The following SLCO3A1 variants were observed in gnomAD, a reference collection of about 807,000 sequenced individuals.
SLCO3A1 encodes PGE1 transporter.
A neutral mutation model predicts 63.1 loss-of-function variants in SLCO3A1; 27 were observed. That is an observed-to-expected ratio of 0.43 (90% CI 0.32 to 0.59). The LOEUF (loss-of-function observed/expected upper bound fraction) is 0.59. SLCO3A1 is among the 20% of genes least tolerant of loss of function. SLCO3A1 has a pLI of 0.09. For synonymous variants in SLCO3A1, 473 were observed against 409.9 expected (o/e 1.15, Z -1.86); for missense variants, 773 against 945.8 (o/e 0.82, Z 2.40).
intron 4 of SLCO3A1, among the ~76,000 whole-genome samples, chr15:92,110,556 C>T (rs1412226943): frequency 6.6e-6 from 1 of 152,170 alleles, no homozygotes; most frequent in Non-Finnish European, 1.5e-5. Context: ...CATTCGTTCC[C>T]TCTACTGGAA....
chr15:91,946,092 A>G (rs889569999), intron 2 of SLCO3A1, among the ~76,000 whole-genome samples: 2 of 152,234 alleles, frequency 1.3e-5, no homozygotes, highest in Admixed American at 6.5e-5. Context: ...GTTTGTGGGC[A>G]TGGATTCAGT....
intron 1 of SLCO3A1, among the ~76,000 whole-genome samples, chr15:91,884,583 TA>T (rs1385725048): frequency 3.3e-5 from 5 of 152,076 alleles, no homozygotes; most frequent in African/African-American, 9.7e-5. Context: ...TAAATTGTTT[TA>T]AAATAAAACT....
chr15:91,871,754 G>GT (rs5814501), intron 1 of SLCO3A1, among the ~76,000 whole-genome samples: 3,130 of 63,536 alleles, frequency 0.049, 115 homozygotes, highest in African/African-American at 0.12. Flanking sequence ...TGCTCATTTT[G>GT]TTTTTTTTTG....
At chr15:92,085,612 G>A (rs1243989383) in intron 2 of SLCO3A1, among the ~76,000 whole-genome samples, 12 of 152,196 alleles carry the variant, frequency 7.9e-5, no homozygotes, top group Non-Finnish European at 4.4e-5. Flanking sequence ...CTTATATCAC[G>A]CATGTGCATA....
At position 91,950,958 on chromosome 15, in the gene SLCO3A1, G is replaced by A. The variant is rs1899977467; in HGVS notation, c.646+34500G>A. On this transcript the variant is annotated intron_variant, in intron 2 of 9. Transcript: ENST00000318445. This position sits in a 1 kb window ranked among gnomAD's most constrained non-coding sequence, Gnocchi z 4.4. Reference sequence around the variant, plus strand: ...GGCTTTCACTTCATTTGACAGGTGAGCTGAAGCTATTGTGTGTATTCTCTT... The same window carrying A: ...GGCTTTCACTTCATTTGACAGGTGAACTGAAGCTATTGTGTGTATTCTCTT... 6.6e-6 allele frequency among the ~76,000 whole-genome samples: 1 copy of A among 152,164 alleles called. No homozygotes were observed.
chr15:92,027,877 A>G (rs12101918), intron 2 of SLCO3A1, among the ~76,000 whole-genome samples: 31,011 of 152,132 alleles, frequency 0.2, 3,401 homozygotes, highest in African/African-American at 0.24. Context: ...TTTTTAGTTT[A>G]TTTTAGTTTT....
At chr15:92,072,383 A>G (rs879865960) in intron 2 of SLCO3A1, among the ~76,000 whole-genome samples, 5 of 150,496 alleles carry the variant, frequency 3.3e-5, no homozygotes, top group Non-Finnish European at 7.4e-5. Flanking sequence ...TTTAACATTT[A>G]TTTTCTGTGT....
intron 2 of SLCO3A1, among the ~76,000 whole-genome samples, chr15:92,046,635 G>T (rs527526172): frequency 6.6e-6 from 1 of 152,138 alleles, no homozygotes; most frequent in South Asian, 2.1e-4. Flanking sequence ...CTTGTCCAAG[G>T]CTGCAGTTTT....
At chr15:91,921,403 G>T (rs1018194377) in intron 2 of SLCO3A1, among the ~76,000 whole-genome samples, 1 of 152,100 alleles carries the variant, frequency 6.6e-6, no homozygotes, top group Non-Finnish European at 1.5e-5. Flanking sequence ...GAATCTGGGG[G>T]AAGGAACACT....
At chr15:92,088,609 A>C (rs1373021754) in intron 2 of SLCO3A1, among the ~76,000 whole-genome samples, 1 of 152,170 alleles carries the variant, frequency 6.6e-6, no homozygotes, top group East Asian at 1.9e-4. Flanking sequence ...AGGTGCTGGC[A>C]GGGCTGTGAT....
chr15:91,968,561 G>C lies in SLCO3A1; in HGVS notation c.646+52103G>C, dbSNP rs1204157380. Among the ~76,000 whole-genome samples, 3 of 152,032 alleles carry C rather than the reference G, an allele frequency of 2.0e-5. No individual in the cohort carries two copies. Among genetic ancestry groups the C allele is most frequent in the Non-Finnish European group, 4.4e-5 (3 of 68,012 alleles). ...GTGGGGACCAGTGGCATCAAATTCTGGTGCTAACAAAGGAAGTTCCATCAC... is the reference window on the plus strand; with the variant it reads ...GTGGGGACCAGTGGCATCAAATTCTCGTGCTAACAAAGGAAGTTCCATCAC... On this transcript the variant is annotated intron_variant, in intron 2 of 9. Transcript: ENST00000318445. This position sits in a 1 kb window ranked among gnomAD's most constrained non-coding sequence, Gnocchi z 4.2.
At chr15:91,874,055 T>C (rs904312449) in intron 1 of SLCO3A1, among the ~76,000 whole-genome samples, 14 of 152,202 alleles carry the variant, frequency 9.2e-5, no homozygotes, top group South Asian at 4.1e-4. Context: ...GCCTGGAACC[T>C]TGGATAGTAC....
Position 92,153,214 on chromosome 15 carries a change from CATGCCT to C in SLCO3A1, c.1753+2208_1753+2213del, listed in dbSNP as rs139988665. Among the ~76,000 whole-genome samples, 1,065 of 151,496 alleles carry C rather than the reference CATGCCT, an allele frequency of 7.0e-3. 12 individuals carry two copies. Among genetic ancestry groups the C allele is most frequent in the African/African-American group, 0.024 (1,010 of 41,226 alleles). On this transcript the variant is annotated intron_variant, in intron 9 of 9. Coordinates refer to ENST00000318445, the MANE Select transcript of SLCO3A1 (RefSeq NM_013272.4). ...GTTTTGCATTATGGCCCAGTACGCA[CATGCCT>C]ATGCCTAGATACAGCTGAAACAAAC...
chr15:91,952,300 C>T (rs529858243), intron 2 of SLCO3A1, among the ~76,000 whole-genome samples: 2 of 152,296 alleles, frequency 1.3e-5, no homozygotes, highest in Admixed American at 6.5e-5. Context: ...TTTCTGTCAT[C>T]CTGTGGGTTG....
chr15:92,041,935 T>C (rs1376590019), intron 2 of SLCO3A1, among the ~76,000 whole-genome samples: 1 of 151,754 alleles, frequency 6.6e-6, no homozygotes, highest in Non-Finnish European at 1.5e-5. Flanking sequence ...TGGCAGGAAG[T>C]ATGGTGGGGG....
intron 4 of SLCO3A1, among the ~76,000 whole-genome samples, chr15:92,106,203 C>G (rs1399546319): frequency 2.0e-5 from 3 of 152,216 alleles, no homozygotes; most frequent in Non-Finnish European, 2.9e-5. Context: ...TGTCTGGCCC[C>G]ATGTTCCATG....
chr15:91,965,511 C>T (rs529181172), intron 2 of SLCO3A1, among the ~76,000 whole-genome samples: 1 of 152,290 alleles, frequency 6.6e-6, no homozygotes, highest in South Asian at 2.1e-4. Context: ...ACTTTAGAAT[C>T]CAGGATTGAG....
At chr15:91,898,918 C>T (rs998941371) in intron 1 of SLCO3A1, among the ~76,000 whole-genome samples, 1 of 151,980 alleles carries the variant, frequency 6.6e-6, no homozygotes, top group Admixed American at 6.6e-5. Flanking sequence ...CTTCGTGGCT[C>T]CTATCACCCA....
intron 5 of SLCO3A1, 103 bp downstream of exon 5, chr15:92,120,732 G>A (rs1470079229): frequency 1.1e-6 from 1 of 937,396 alleles, no homozygotes; most frequent in African/African-American, 1.6e-5. Context: ...ACTCTGCTCT[G>A]GGCCTACAGC....
Sources: allele counts gnomAD v4.1 joint callset (sites outside exome capture counted in the v4.1 genomes callset), GRCh38; gene constraint gnomAD v4.1.1; non-coding constraint Gnocchi (gnomAD v3.1); transcripts MANE v1.5; gene names NCBI Gene and HGNC (gene_info 2026-07-23, HGNC 2026-07-21).